TYW1: variants seen among roughly 807,000 people sequenced by gnomAD.
TYW1 encodes the protein tRNA-yW synthesizing protein 1 homolog.
In TYW1, 46 loss-of-function variants were observed where a neutral mutation model predicts 96.2. The ratio of observed to expected loss-of-function variants is 0.48; its 90% confidence interval spans 0.38 to 0.61. The LOEUF (loss-of-function observed/expected upper bound fraction) is 0.61. TYW1 is among the 20% of genes least tolerant of loss of function. TYW1 has a pLI of 0.00. For missense variants in TYW1, 684 were observed against 909.6 expected (o/e 0.75, Z 3.19); for synonymous variants, 274 against 323.0 (o/e 0.85, Z 1.63).
chr7:67,167,285 C>T (rs1470340307), intron 13 of TYW1, among the ~76,000 whole-genome samples: 8 of 151,874 alleles, frequency 5.3e-5, no homozygotes, highest in African/African-American at 9.7e-5. Flanking sequence ...CTGGCTAACA[C>T]GGTGAAACCG....
chr7:67,185,700 A>T (rs2421401), intron 14 of TYW1, among the ~76,000 whole-genome samples: 42,558 of 151,274 alleles, frequency 0.28, 6,428 homozygotes, highest in African/African-American at 0.41. Context: ...TAAATAGATC[A>T]TAGGTTTTAT....
chr7:67,006,948 C>CTT lies in TYW1; in HGVS notation c.274-2607_274-2606dup, dbSNP rs34475001. ...CAAAACAGTAGGGAGAGATGTGAGGCTTTTTTTTTTTTTTTTTTTTTTTTT... is the reference window on the plus strand; with the variant it reads ...CAAAACAGTAGGGAGAGATGTGAGGCTTTTTTTTTTTTTTTTTTTTTTTTTTT... On this transcript the variant is annotated intron_variant, in intron 3 of 15. Coordinates refer to ENST00000359626, the MANE Select transcript of TYW1 (RefSeq NM_018264.4). Among the ~76,000 whole-genome samples the CTT allele has an allele frequency of 1.4e-3, 64 of 45,138 alleles. 8 individuals carry two copies. The highest frequency in any genetic ancestry group is 4.4e-3 in the African/African-American group (44 of 10,024). 29.6% of individuals were successfully genotyped at this position (45,138 alleles called of 152,430 possible). A position where few individuals can be genotyped will look rare whatever the true frequency, so the allele number is the denominator to read the frequency against.
intron 15 of TYW1, among the ~76,000 whole-genome samples, chr7:67,220,641 G>A (rs573603102): frequency 6.6e-6 from 1 of 152,276 alleles, no homozygotes; most frequent in South Asian, 2.1e-4. Context: ...ACTTGGGAAG[G>A]ATGTGTATTC....
chr7:67,168,774 C>T (rs945930892), intron 13 of TYW1, among the ~76,000 whole-genome samples: 8 of 151,592 alleles, frequency 5.3e-5, no homozygotes, highest in East Asian at 1.9e-4. Context: ...TGCAGTGTTG[C>T]GATCTTGGCT....
chr7:67,057,571 A>G lies in TYW1; in HGVS notation c.1155+1684A>G, dbSNP rs187102981. Among the ~76,000 whole-genome samples, 568 of 151,900 alleles carry G rather than the reference A, an allele frequency of 3.7e-3. 3 individuals are homozygous for G. The highest frequency in any genetic ancestry group is 5.3e-3 in the Non-Finnish European group (358 of 67,970). On this transcript the variant is annotated intron_variant, in intron 9 of 15. Transcript: ENST00000359626. ...TTTTTAGTTGAGACGGGGTTTCACT[A>G]TGTTGGCCAGGCTGGTCTCAAACTC...
At chr7:67,014,996 G>A (rs1301083905) in intron 5 of TYW1, among the ~76,000 whole-genome samples, 2 of 149,530 alleles carry the variant, frequency 1.3e-5, no homozygotes, top group African/African-American at 2.5e-5. Flanking sequence ...CACCGTGCCC[G>A]GCCTCTTCTG....
intron 15 of TYW1, among the ~76,000 whole-genome samples, chr7:67,204,517 C>CCTTCTT (rs758463487): frequency 2.1e-5 from 3 of 141,968 alleles, no homozygotes; most frequent in South Asian, 2.2e-4. Context: ...TTTTTATTTT[C>CCTTCTT]CTTCTTCTTC....
At chr7:67,072,942 T>TG (rs1429107155) in intron 10 of TYW1, among the ~76,000 whole-genome samples, 23 of 111,284 alleles carry the variant, frequency 2.1e-4, no homozygotes, top group Non-Finnish European at 4.2e-4. Context: ...CAGTTTTTTT[T>TG]TTTTTTTTTT....
At chr7:67,029,437 A>ATATATATATATATATACAC (rs746024597) in intron 7 of TYW1, among the ~76,000 whole-genome samples, 1 of 146,610 alleles carries the variant, frequency 6.8e-6, no homozygotes, top group African/African-American at 2.5e-5. Flanking sequence ...ATATATAAAT[A>ATATATATATATATATACAC]GTATTTTCTA....
chr7:67,152,998 A>C (rs1385494377), intron 13 of TYW1, among the ~76,000 whole-genome samples: 1 of 152,202 alleles, frequency 6.6e-6, no homozygotes, highest in East Asian at 1.9e-4. Context: ...TGCTAGCTCC[A>C]GCTGTGTAGT....
chr7:67,046,087 TATG>T (rs1449016720), intron 7 of TYW1, among the ~76,000 whole-genome samples: 1 of 152,130 alleles, frequency 6.6e-6, no homozygotes. Flanking sequence ...GAGGGATTAA[TATG>T]AGGCAGTATA....
intron 13 of TYW1, among the ~76,000 whole-genome samples, chr7:67,137,921 T>A (rs1798317692): frequency 6.6e-6 from 1 of 152,164 alleles, no homozygotes; most frequent in African/African-American, 2.4e-5. Flanking sequence ...GCCCACACTC[T>A]CACACCATGC....
chr7:67,133,264 C>T (rs60910884), intron 13 of TYW1, among the ~76,000 whole-genome samples: 36,735 of 151,666 alleles, frequency 0.24, 4,699 homozygotes, highest in African/African-American at 0.32. Context: ...AGTCCCCCCA[C>T]GAAGCTCGGA....
intron 13 of TYW1, among the ~76,000 whole-genome samples, chr7:67,162,483 A>C (rs1417392242): frequency 6.6e-6 from 1 of 152,160 alleles, no homozygotes; most frequent in South Asian, 2.1e-4. Flanking sequence ...TCTAAGGCAT[A>C]TTGATTTTAG....
chr7:67,113,882 T>C (rs1304922827), intron 12 of TYW1, among the ~76,000 whole-genome samples: 1 of 152,102 alleles, frequency 6.6e-6, no homozygotes, highest in Non-Finnish European at 1.5e-5. Context: ...CAGGTGATCC[T>C]CCTGTCTCAG....
intron 11 of TYW1, among the ~76,000 whole-genome samples, chr7:67,085,812 T>C (rs2115788292): frequency 6.6e-6 from 1 of 152,016 alleles, no homozygotes; most frequent in East Asian, 1.9e-4. Flanking sequence ...CTACTAAAAA[T>C]ACAAAAATTA....
At chr7:67,025,933 A>G (rs574749596) in intron 7 of TYW1, among the ~76,000 whole-genome samples, 1 of 152,294 alleles carries the variant, frequency 6.6e-6, no homozygotes, top group East Asian at 1.9e-4. Flanking sequence ...AAATGAACTC[A>G]GTAAGGTTAG....
chr7:67,184,408 T>G (rs1563060189), intron 14 of TYW1, among the ~76,000 whole-genome samples: 2 of 152,016 alleles, frequency 1.3e-5, no homozygotes, highest in Non-Finnish European at 2.9e-5. Flanking sequence ...TTCAGGAATA[T>G]TTCACTGGTG....
At position 67,238,341 on chromosome 7, in the gene TYW1, G is replaced by C. The variant is rs28450001; in HGVS notation, c.2011G>C (p.Asp671His). The change falls in exon 16 of 16, where the codon GAT becomes CAT. Residue 671 changes from aspartate to histidine, a missense_variant. By Grantham distance (81) the Asp-to-His change is moderately conservative (BLOSUM62 -1). Transcript: ENST00000359626. ...KIGGEWWTWI[D>H]YNRFQELIQE... is the part of the protein sequence containing the mutation. ...TGGTGGTGAATGGTGGACATGGATC[G>C]ATTATAACCGCTTCCAGGAGCTCAT... is the stretch of plus-strand genomic sequence containing the variant. 10 of 1,612,000 alleles carry C rather than the reference G, an allele frequency of 6.2e-6. No individual in the cohort carries two copies. In the African/African-American group the frequency reaches 9.4e-5, roughly 15 times the overall value.
Sources: gnomAD v4.1 joint callset for allele counts (sites outside exome capture counted in the v4.1 genomes callset) on GRCh38, gnomAD v4.1.1 for gene constraint, MANE v1.5 for transcripts, NCBI Gene and HGNC (gene_info 2026-07-23, HGNC 2026-07-21) for gene names.